The following ACRBP variants were observed in gnomAD, a reference collection of about 807,000 sequenced individuals.
ACRBP encodes the protein acrosin binding protein.
In ACRBP, 52 loss-of-function variants were observed where a neutral mutation model predicts 69.0. That is an observed-to-expected ratio of 0.75 (90% CI 0.60 to 0.95). The LOEUF (loss-of-function observed/expected upper bound fraction) is 0.95, where lower values mean the gene tolerates loss of function less well. ACRBP is among the 40% of genes least tolerant of loss of function. The pLI is 0.00. For synonymous variants in ACRBP, 267 were observed against 258.9 expected (o/e 1.03, Z -0.30); for missense variants, 604 against 673.0 (o/e 0.90, Z 1.13).
intron 9 of ACRBP, 133 bp downstream of exon 9, chr12:6,638,821 T>C (rs1160843960): frequency 9.9e-6 from 15 of 1,519,974 alleles, no homozygotes; most frequent in African/African-American, 2.7e-5. Context: ...GGTGGAGGCC[T>C]CTGCCCCAGA....
Position 6,647,394 on chromosome 12 carries a change from T to C in ACRBP, c.-28A>G, listed in dbSNP as rs1390776458. The C allele has an allele frequency of 8.6e-6, 13 of 1,507,374 alleles. No individual in the cohort carries two copies. Among genetic ancestry groups the C allele is most frequent in the African/African-American group, 5.7e-5 (4 of 70,746 alleles). 93.4% of individuals were successfully genotyped at this position (1,507,374 alleles called of 1,614,324 possible). ...CCGGAGAAGATCCGCCCGCGTCCCG[T>C]GGACACAAGCCGCCTCTAACGGGCC... On this transcript the variant is annotated 5_prime_UTR_variant, in exon 1 of 10. Coordinates refer to ENST00000229243, the MANE Select transcript of ACRBP (RefSeq NM_032489.3).
rs1440166899 is a variant in ACRBP, at chr12:6,640,496, G to A, written c.1104C>T (p.His368=). 4 of 1,614,082 alleles carry A rather than the reference G, an allele frequency of 2.5e-6. No homozygotes were observed. The African/African-American group carries it at 5.3e-5, about 22-fold the overall frequency. ...AGTCACAGAGGGCACAGGTAGACAT[G>A]TGTCGCCGCCCAAGGCTGTCACAGA... ...KSVCDSLGRR[H]MSTCALCDFC... is the part of the protein sequence containing the mutation. Residue 368 remains histidine (H), a synonymous_variant, in exon 7 of 10, where the codon CAC becomes CAT. Coordinates refer to ENST00000229243, the MANE Select transcript of ACRBP (RefSeq NM_032489.3). This position sits in a 1 kb window ranked among gnomAD's most constrained non-coding sequence, Gnocchi z 5.3.
At chr12:6,646,350 G>T (rs1949088786) in intron 3 of ACRBP, 133 bp downstream of exon 3, 1 of 765,076 alleles carries the variant, frequency 1.3e-6, no homozygotes, top group African/African-American at 1.7e-5. Flanking sequence ...TATAATCTGG[G>T]TAAATGACTG....
rs1425116392 is a variant in ACRBP, at chr12:6,644,251, G to C, written c.830C>G (p.Ser277Cys). 1 of 1,614,142 alleles carries C rather than the reference G, an allele frequency of 6.2e-7. No individual in the cohort carries two copies. The highest frequency in any genetic ancestry group is 1.1e-5 in the South Asian group (1 of 91,090). Residue 277 changes from serine to cysteine, a missense_variant, in exon 5 of 10, where the codon TCT (serine) becomes TGT (cysteine). By Grantham distance (112) the Ser-to-Cys change is moderately radical (BLOSUM62 -1). Around this residue, in one of 3 missense-constraint regions of ACRBP, gnomAD observed 532 missense variants for 562.9 expected, o/e 0.95. Transcript: ENST00000229243. ...SFAPRVREVE[S>C]TPMIMENIQE... ...GATGTTCTCCATTATCATAGGAGTA[G>C]ACTCTACTTCTCGTACCCGGGGAGC...
chr12:6,644,581 G>T lies in ACRBP; in HGVS notation c.500C>A (p.Pro167His). The change falls in exon 5 of 10, where the codon CCC becomes CAC. Residue 167 changes from proline (P) to histidine (H), a missense_variant. Coordinates refer to ENST00000229243, the MANE Select transcript of ACRBP (RefSeq NM_032489.3). ...GTTGTTGCTGAGCCTCTCAGGCCAGGGCTGGAAGGTCTGGCGTTCTGTCAC... is the reference window on the plus strand; with the variant it reads ...GTTGTTGCTGAGCCTCTCAGGCCAGTGCTGGAAGGTCTGGCGTTCTGTCAC... ...FTVTERQTFQ[P>H]WPERLSNNVE... 1 of 1,613,346 alleles carries T rather than the reference G, an allele frequency of 6.2e-7. No homozygotes were observed. Among genetic ancestry groups the T allele is most frequent in the Non-Finnish European group, 8.5e-7 (1 of 1,179,654 alleles).
At chr12:6,647,288 G>T in intron 1 of ACRBP, 36 bp downstream of exon 1, 1 of 1,539,640 alleles carries the variant, frequency 6.5e-7, no homozygotes, top group Non-Finnish European at 8.7e-7. Flanking sequence ...GGACTAGCCC[G>T]GGGAGAGTCT....
intron 6 of ACRBP, among the ~76,000 whole-genome samples, chr12:6,641,745 A>G (rs866433203): frequency 6.8e-4 from 103 of 152,164 alleles, no homozygotes; most frequent in African/African-American, 2.5e-3. Flanking sequence ...AATTTCACTC[A>G]TGAAATTTCT....
At position 6,640,303 on chromosome 12, in the gene ACRBP, C is replaced by G. The variant is rs1399332773; in HGVS notation, c.1257+40G>C. The G allele has an allele frequency of 1.2e-6, 2 of 1,613,304 alleles. No homozygotes were observed. The highest frequency in any genetic ancestry group is 2.2e-5 in the South Asian group (2 of 91,046). ...CCACCACCACCCCACCCCTGCCACC[C>G]AGTTCTGCCTTTCCCACTGCGGGCT... On this transcript the variant is annotated intron_variant, in intron 7 of 9. Transcript: ENST00000229243. This position sits in a 1 kb window ranked among gnomAD's most constrained non-coding sequence, Gnocchi z 5.3.
At chr12:6,644,651 A>G (rs753625499) in intron 4 of ACRBP, 46 bp from the exon 5 acceptor site, 28 of 1,554,006 alleles carry the variant, frequency 1.8e-5, no homozygotes, top group Non-Finnish European at 2.3e-5. Flanking sequence ...TCAGGCTTCT[A>G]GCCCCTGAGT....
chr12:6,640,323 C>T lies in ACRBP; in HGVS notation c.1257+20G>A, dbSNP rs771778088. 8.1e-6 allele frequency: 13 copies of T among 1,613,706 alleles called. 1 individual carries two copies. Among genetic ancestry groups the T allele is most frequent in the Middle Eastern group, 1.6e-4 (1 of 6,084 alleles). ...CCACCCAGTTCTGCCTTTCCCACTG[C>T]GGGCTGCCGGGCTAGATACCTGGTT... is the stretch of plus-strand genomic sequence containing the variant. On this transcript the variant is annotated intron_variant, in intron 7 of 9. Coordinates refer to ENST00000229243, the MANE Select transcript of ACRBP (RefSeq NM_032489.3). The surrounding 1 kb of genome is among the most constrained non-coding windows in gnomAD (Gnocchi z 5.3).
rs1246977857 is a variant in ACRBP at position 6,640,874 on chromosome 12, C to T, written c.1078-352G>A. Among the ~76,000 whole-genome samples the T allele has an allele frequency of 6.6e-6, 1 of 152,174 alleles. No individual in the cohort carries two copies. The highest frequency in any genetic ancestry group is 1.5e-5 in the Non-Finnish European group (1 of 68,036). ...TGATCTTACAGATACCCCAACTTAGCCTATCTGAAAAGAACTCATAACCCT... is the reference window on the plus strand; with the variant it reads ...TGATCTTACAGATACCCCAACTTAGTCTATCTGAAAAGAACTCATAACCCT... On this transcript the variant is annotated intron_variant, in intron 6 of 9. Coordinates refer to ENST00000229243, the MANE Select transcript of ACRBP (RefSeq NM_032489.3). This position sits in a 1 kb window ranked among gnomAD's most constrained non-coding sequence, Gnocchi z 5.3.
intron 8 of ACRBP, among the ~76,000 whole-genome samples, chr12:6,639,390 TAAGGG>T (rs1288093879): frequency 6.6e-6 from 1 of 152,278 alleles, no homozygotes; most frequent in East Asian, 1.9e-4. Context: ...TAATGGTAGA[TAAGGG>T]AAGGGGGAAG....
In ACRBP at chr12:6,640,102, C is replaced by G; in HGVS notation, c.1383G>C (p.Gln461His). ...CATCCTGGAAGCTAAGGAACTCAGT[C>G]TGGAGCCACCCAGAGACTCGGACAT... ...CEDVRVSGWL[Q>H]TEFLSFQDGD... The change falls in exon 8 of 10, where the codon CAG (glutamine) becomes CAC (histidine). Residue 461 changes from glutamine to histidine, a missense_variant. This residue lies in a region of ACRBP where 21 missense variants were observed against 50.0 expected (regional missense o/e 0.42). Coordinates refer to ENST00000229243, the MANE Select transcript of ACRBP (RefSeq NM_032489.3). The surrounding 1 kb of genome is among the most constrained non-coding windows in gnomAD (Gnocchi z 5.3). The G allele has an allele frequency of 6.2e-7, 1 of 1,614,226 alleles. No individual in the cohort carries two copies. The highest frequency in any genetic ancestry group is 8.5e-7 in the Non-Finnish European group (1 of 1,180,038).
In ACRBP at chr12:6,638,094, TA is replaced by T; in HGVS notation, c.*187del. On this transcript the variant is annotated 3_prime_UTR_variant, in exon 10 of 10. Transcript: ENST00000229243. Reference sequence around the variant, plus strand: ...ACAGGCTGAAGATCAACATTTTATGTAAAGTCATCTTTTAAGGAGGGCGCAG... The same window carrying T: ...ACAGGCTGAAGATCAACATTTTATGTAAGTCATCTTTTAAGGAGGGCGCAG... 1 of 722,692 alleles carries T rather than the reference TA, an allele frequency of 1.4e-6. No homozygotes were observed. The highest frequency in any genetic ancestry group is 2.2e-6 in the Non-Finnish European group (1 of 450,892). The allele number at this position is 722,692 out of a possible 1,614,324, so 44.8% of individuals were successfully genotyped here. A position where few individuals can be genotyped will look rare whatever the true frequency, so the allele number is the denominator to read the frequency against.
chr12:6,641,361 C>T (rs893591169), intron 6 of ACRBP, among the ~76,000 whole-genome samples: 1 of 152,248 alleles, frequency 6.6e-6, no homozygotes, highest in Non-Finnish European at 1.5e-5. Context: ...TCCTATGGCA[C>T]CTTGCCTGCT....
rs1949043958 is a variant in ACRBP at position 6,640,340 on chromosome 12, T to C, written c.1257+3A>G. 4 of 1,613,860 alleles carry C rather than the reference T, an allele frequency of 2.5e-6. No individual in the cohort carries two copies. Among genetic ancestry groups the C allele is most frequent in the Admixed American group, 1.7e-5 (1 of 60,002 alleles). On this transcript the variant is annotated splice_donor_region_variant and intron_variant, in intron 7 of 9. Transcript: ENST00000229243. This position sits in a 1 kb window ranked among gnomAD's most constrained non-coding sequence, Gnocchi z 5.3. ...TCCCACTGCGGGCTGCCGGGCTAGA[T>C]ACCTGGTTGCCGATGGACAGGCTCT...
chr12:6,646,647 C>G, intron 2 of ACRBP, 70 bp from the exon 3 acceptor site: 1 of 1,528,002 alleles, frequency 6.5e-7, no homozygotes, highest in Non-Finnish European at 9.1e-7. Flanking sequence ...GCAATGGACT[C>G]CACGCCATGG....
rs113323972 is a variant in ACRBP, at chr12:6,644,136, C to T, written c.944+1G>A. The T allele has an allele frequency of 1.3e-5, 21 of 1,567,296 alleles. No individual in the cohort carries two copies. Among genetic ancestry groups the T allele is most frequent in the Non-Finnish European group, 1.8e-5 (21 of 1,154,450 alleles). On this transcript the variant is annotated splice_donor_variant, in intron 5 of 9. Coordinates refer to ENST00000229243, the MANE Select transcript of ACRBP (RefSeq NM_032489.3). LOFTEE classifies it high-confidence loss of function. ...GATGACAGAGTCAAAACTTCCTATA[C>T]CTGCCAGGGTTTTGGTTTCTCCAGT...
At chr12:6,644,099 G>C (rs375001237) in intron 5 of ACRBP, 38 bp downstream of exon 5, 205 of 1,530,704 alleles carry the variant, frequency 1.3e-4, no homozygotes, top group Non-Finnish European at 2.8e-5. Context: ...AGGCAGAAGG[G>C]AGGGCAGGGT....
Sources: gnomAD v4.1 joint callset for allele counts (sites outside exome capture counted in the v4.1 genomes callset) on GRCh38, gnomAD v4.1.1 for gene constraint, gnomAD v4.1.1 regional missense constraint, Gnocchi (gnomAD v3.1) non-coding constraint, MANE v1.5 for transcripts, NCBI Gene and HGNC (gene_info 2026-07-23, HGNC 2026-07-21) for gene names.